MCTP2: variants seen among roughly 807,000 people sequenced by gnomAD.
The protein encoded by MCTP2 is multiple C2 and transmembrane domain containing 2, also known as multiple C2 and transmembrane domain-containing protein 2.
A neutral mutation model predicts 111.6 loss-of-function variants in MCTP2; 132 were observed. The observed-to-expected ratio is 1.18, with a 90% CI of 1.03 to 1.37. The LOEUF (loss-of-function observed/expected upper bound fraction) is 1.37. Ranked by LOEUF, MCTP2 falls within the 40% of genes most tolerant of loss-of-function variation. The pLI is 0.00. For synonymous variants in MCTP2, 395 were observed against 387.7 expected (o/e 1.02, Z -0.22); for missense variants, 1,183 against 1,067.9 (o/e 1.11, Z -1.50).
intron 12 of MCTP2, among the ~76,000 whole-genome samples, chr15:94,380,877 AC>A (rs67374609): frequency 0.14 from 21,723 of 151,730 alleles, 2,441 homozygotes; most frequent in East Asian, 0.32. Flanking sequence ...GTTTAAGTGA[AC>A]CCCCCCCTTA....
intron 4 of MCTP2, among the ~76,000 whole-genome samples, chr15:94,338,166 TG>T (rs1484326040): frequency 6.6e-6 from 1 of 152,224 alleles, no homozygotes; most frequent in African/African-American, 2.4e-5. Context: ...ATAAATATTC[TG>T]GGGGCCTATC....
chr15:94,412,512 T>A (rs1239902330), intron 17 of MCTP2, among the ~76,000 whole-genome samples: 5 of 152,140 alleles, frequency 3.3e-5, no homozygotes, highest in Non-Finnish European at 7.4e-5. Context: ...ATGATAACGA[T>A]GATCACAATG....
At position 94,379,723 on chromosome 15, in the gene MCTP2, TATA is replaced by T. The variant is rs564170378; in HGVS notation, c.1583-4296_1583-4294del. Among the ~76,000 whole-genome samples, 7 of 145,266 alleles carry T rather than the reference TATA, an allele frequency of 4.8e-5. No individual in the cohort carries two copies. The East Asian group carries it at 7.8e-4, about 16-fold the overall frequency. On this transcript the variant is annotated intron_variant, in intron 12 of 22. Transcript: ENST00000357742. ...AATATCATATATATGATATATAATATATAATGTGTAATATAATATATGATATAT... is the reference window on the plus strand; with the variant it reads ...AATATCATATATATGATATATAATATATGTGTAATATAATATATGATATAT...
intron 17 of MCTP2, among the ~76,000 whole-genome samples, chr15:94,408,800 T>A (rs1468777118): frequency 6.6e-6 from 1 of 152,218 alleles, no homozygotes; most frequent in Non-Finnish European, 1.5e-5. Context: ...CAATTTTGAC[T>A]AGTAAACATT....
At chr15:94,390,056 A>ATG (rs1567601728) in intron 14 of MCTP2, among the ~76,000 whole-genome samples, 3 of 7,648 alleles carry the variant, frequency 3.9e-4, no homozygotes, top group Admixed American at 2.9e-3. Context: ...AGGCATATAT[A>ATG]TATATATATA....
At position 94,345,119 on chromosome 15, in the gene MCTP2, A is replaced by C. The variant is rs113569491; in HGVS notation, c.970-10A>C. 6.2e-7 allele frequency: 1 copy of C among 1,612,542 alleles called. No individual in the cohort carries two copies. The highest frequency in any genetic ancestry group is 1.3e-5 in the African/African-American group (1 of 74,888). ...GCCATTTTCACCATTCCGCGGACAC[A>C]AATCTTTAGCGTTGGTCAAATCGGA... On this transcript the variant is annotated splice_polypyrimidine_tract_variant and intron_variant, in intron 7 of 22. Transcript: ENST00000357742.
At chr15:94,430,369 C>A (rs1469510344) in intron 17 of MCTP2, among the ~76,000 whole-genome samples, 2 of 141,024 alleles carry the variant, frequency 1.4e-5, no homozygotes, top group African/African-American at 2.7e-5. Context: ...TAAAAAAAAA[C>A]AAACAAAAAA....
intron 1 of MCTP2, among the ~76,000 whole-genome samples, chr15:94,246,451 C>T (rs2072015432): frequency 6.6e-6 from 1 of 152,146 alleles, no homozygotes; most frequent in Non-Finnish European, 1.5e-5. Flanking sequence ...AGCACCATAG[C>T]CTCCCCTTAA....
intron 1 of MCTP2, among the ~76,000 whole-genome samples, chr15:94,268,180 C>CTTTT (rs371485797): frequency 5.2e-5 from 7 of 134,440 alleles, no homozygotes; most frequent in African/African-American, 1.1e-4. Context: ...TTCATTCTTT[C>CTTTT]TTTCTTTTTT....
At chr15:94,243,217 A>G (rs1365796605) in intron 1 of MCTP2, among the ~76,000 whole-genome samples, 1 of 149,038 alleles carries the variant, frequency 6.7e-6, no homozygotes, top group African/African-American at 2.5e-5. Context: ...ATACGTATAT[A>G]CATACGTATG....
intron 17 of MCTP2, among the ~76,000 whole-genome samples, chr15:94,427,354 G>T (rs945075901): frequency 3.9e-5 from 6 of 152,134 alleles, no homozygotes; most frequent in Non-Finnish European, 7.3e-5. Flanking sequence ...AGTAATTTAT[G>T]AAAACAAGAG....
At chr15:94,443,873 A>G (rs2083934744) in intron 19 of MCTP2, among the ~76,000 whole-genome samples, 1 of 147,264 alleles carries the variant, frequency 6.8e-6, no homozygotes, top group South Asian at 2.1e-4. Flanking sequence ...CACAGATGCA[A>G]GTTTCTTATT....
At chr15:94,240,998 T>A (rs895835499) in intron 1 of MCTP2, among the ~76,000 whole-genome samples, 1 of 152,212 alleles carries the variant, frequency 6.6e-6, no homozygotes, top group Non-Finnish European at 1.5e-5. Context: ...GACACACTTA[T>A]CAAATAAGAT....
At chr15:94,284,813 G>A (rs1294797648) in intron 1 of MCTP2, among the ~76,000 whole-genome samples, 1 of 147,782 alleles carries the variant, frequency 6.8e-6, no homozygotes, top group East Asian at 2.0e-4. Flanking sequence ...AATGATTATG[G>A]GCTGAGGTAT....
chr15:94,456,624 G>A (rs1194784818), intron 19 of MCTP2, among the ~76,000 whole-genome samples: 1 of 152,188 alleles, frequency 6.6e-6, no homozygotes, highest in South Asian at 2.1e-4. Context: ...AGGAATTAGA[G>A]TAAGGGAAAA....
At chr15:94,417,478 T>G (rs572653631) in intron 17 of MCTP2, among the ~76,000 whole-genome samples, 9 of 152,084 alleles carry the variant, frequency 5.9e-5, no homozygotes, top group Non-Finnish European at 1.2e-4. Flanking sequence ...TTTATTTTGG[T>G]GCACAAAAGA....
chr15:94,287,105 C>T (rs1008409164), intron 1 of MCTP2, among the ~76,000 whole-genome samples: 4 of 152,340 alleles, frequency 2.6e-5, no homozygotes, highest in Non-Finnish European at 5.9e-5. Context: ...TTTGTCTCAG[C>T]AGCCTTTCCA....
chr15:94,390,080 A>ACG (rs1400379161), intron 14 of MCTP2, among the ~76,000 whole-genome samples: 48 of 11,818 alleles, frequency 4.1e-3, no homozygotes, highest in South Asian at 9.6e-3. Context: ...ATATATATAT[A>ACG]TATATATATG....
chr15:94,403,935 T>TG (rs1295168547), intron 17 of MCTP2, among the ~76,000 whole-genome samples: 2 of 152,164 alleles, frequency 1.3e-5, no homozygotes, highest in Admixed American at 6.5e-5. Context: ...TGGACACCAT[T>TG]GAAAAAAATG....
Sources: allele counts gnomAD v4.1 joint callset (sites outside exome capture counted in the v4.1 genomes callset), GRCh38; gene constraint gnomAD v4.1.1; transcripts MANE v1.5; gene names NCBI Gene and HGNC (gene_info 2026-07-23, HGNC 2026-07-21).